The following PCDHA3 variants were observed in gnomAD, a reference collection of about 807,000 sequenced individuals.
PCDHA3 encodes protocadherin alpha 3, also known as protocadherin alpha-3.
PCDHA3 carries 41 observed loss-of-function variants against 62.2 expected under a neutral mutation model. That is an observed-to-expected ratio of 0.66 (90% CI 0.51 to 0.86). PCDHA3 has a LOEUF of 0.86. Among genes scored for constraint, PCDHA3 ranks in the 40% least tolerant of loss-of-function variants. The probability of loss-of-function intolerance (pLI) is 0.00; values close to 1 mark genes in which losing one functional copy is unlikely to be tolerated. For missense variants in PCDHA3, 1,304 were observed against 1,241.2 expected, an observed-to-expected ratio of 1.05 and a Z score of -0.76; for synonymous variants, 640 against 555.4, an observed-to-expected ratio of 1.15 and a Z score of -2.14.
chr5:140,967,576 A>T (rs2096159229), intron 1 of PCDHA3: 1 of 1,613,838 alleles, frequency 6.2e-7, no homozygotes, highest in African/African-American at 1.3e-5. Context: ...GGGAGGACTC[A>T]CCCCCAGGCA....
intron 3 of PCDHA3, among the ~76,000 whole-genome samples, chr5:141,007,748 T>C (rs188910603): frequency 1.3e-3 from 195 of 152,298 alleles, no homozygotes; most frequent in African/African-American, 4.4e-3. Context: ...GAAGATAACT[T>C]TGGACTCTTA....
Position 140,850,160 on chromosome 5 carries a change from G to A in PCDHA3, c.2394+46569G>A, listed in dbSNP as rs2150470275. On this transcript the variant is annotated intron_variant, in intron 1 of 3. Coordinates refer to ENST00000522353, the MANE Select transcript of PCDHA3 (RefSeq NM_018906.3). ...GCAACGTGACGCTGCAGGTGTTCGT[G>A]CTGGACGAGAACGACAATGCGCCGG... 5 of 1,595,068 alleles carry A rather than the reference G, an allele frequency of 3.1e-6. No homozygotes were observed. The Admixed American group carries it at 6.7e-5, about 22-fold the overall frequency.
intron 1 of PCDHA3, among the ~76,000 whole-genome samples, chr5:140,963,771 G>A (rs2095789886): frequency 6.6e-6 from 1 of 152,164 alleles, no homozygotes; most frequent in South Asian, 2.1e-4. Context: ...ATTTCATGAC[G>A]ACAGCAACAA....
chr5:140,873,557 T>C (rs1347474996), intron 1 of PCDHA3, among the ~76,000 whole-genome samples: 1 of 150,760 alleles, frequency 6.6e-6, no homozygotes, highest in Non-Finnish European at 1.5e-5. Context: ...TTTCAATTTA[T>C]TTTCTAGTTT....
chr5:140,915,281 C>T (rs1554196839), intron 1 of PCDHA3, among the ~76,000 whole-genome samples: 2 of 152,090 alleles, frequency 1.3e-5, no homozygotes, highest in Non-Finnish European at 2.9e-5. Flanking sequence ...TCATCATTTA[C>T]TCTTTCTACT....
At chr5:141,001,276 T>C (rs2098003991) in intron 3 of PCDHA3, among the ~76,000 whole-genome samples, 1 of 152,210 alleles carries the variant, frequency 6.6e-6, no homozygotes. Context: ...GAACTTTTTT[T>C]ACGGATGAAA....
intron 1 of PCDHA3, chr5:140,857,093 G>T (rs1554149523): frequency 6.3e-7 from 1 of 1,597,336 alleles, no homozygotes; most frequent in Admixed American, 1.7e-5. Flanking sequence ...TTCACCTGAG[G>T]TGATTGTCAC....
chr5:140,931,693 A>G (rs1001252056), intron 1 of PCDHA3, among the ~76,000 whole-genome samples: 1 of 152,004 alleles, frequency 6.6e-6, no homozygotes, highest in African/African-American at 2.4e-5. Context: ...ATTGTGATTC[A>G]TAAAACCATG....
At position 140,882,396 on chromosome 5, in the gene PCDHA3, C is replaced by G; in HGVS notation, c.2394+78805C>G. The G allele has an allele frequency of 1.9e-6, 3 of 1,614,196 alleles. No homozygotes were observed. In the South Asian group the frequency reaches 3.3e-5, roughly 18 times the overall value. On this transcript the variant is annotated intron_variant, in intron 1 of 3. Transcript: ENST00000522353. ...GTCCCCGAGGAAGCAAAACACGGCA[C>G]CTTCGTGGGCCGCATCGCTCAGGAC...
rs200441286 is a variant in PCDHA3, at chr5:140,856,169, G to A, written c.2394+52578G>A. 1.9e-6 allele frequency: 3 copies of A among 1,598,230 alleles called. 1 individual carries two copies. The highest frequency in any genetic ancestry group is 2.6e-6 in the Non-Finnish European group (3 of 1,167,916). On this transcript the variant is annotated intron_variant, in intron 1 of 3. Transcript: ENST00000522353. ...CTCAGTCTACGAGGAGGCCAGACACGGCACCTTCGTGGGCCGCATCGCGCA... is the reference window on the plus strand; with the variant it reads ...CTCAGTCTACGAGGAGGCCAGACACAGCACCTTCGTGGGCCGCATCGCGCA...
chr5:140,869,274 G>A, intron 1 of PCDHA3: 1 of 1,613,594 alleles, frequency 6.2e-7, no homozygotes. Context: ...TGGAGCTGGC[G>A]GAGCTGGTGC....
intron 1 of PCDHA3, among the ~76,000 whole-genome samples, chr5:140,901,673 A>G (rs964267221): frequency 6.6e-6 from 1 of 152,056 alleles, no homozygotes; most frequent in Admixed American, 6.6e-5. Context: ...AGATACCTTT[A>G]GGTATTATGG....
At chr5:140,893,150 A>T (rs1398784015) in intron 1 of PCDHA3, among the ~76,000 whole-genome samples, 2 of 152,066 alleles carry the variant, frequency 1.3e-5, no homozygotes, top group African/African-American at 4.8e-5. Flanking sequence ...TCATCTGTTG[A>T]TGGATATTGA....
intron 1 of PCDHA3, chr5:140,864,391 A>G (rs1554158881): frequency 6.6e-6 from 1 of 152,234 alleles, no homozygotes; most frequent in African/African-American, 2.4e-5. Context: ...TCTCTCACAA[A>G]TGGTGATGAG....
At chr5:140,836,938 A>G in intron 1 of PCDHA3, 1 of 463,722 alleles carries the variant, frequency 2.2e-6, no homozygotes, top group Non-Finnish European at 3.7e-6. Flanking sequence ...AATACTATAG[A>G]TCAAAATCTA....
intron 1 of PCDHA3, among the ~76,000 whole-genome samples, chr5:140,872,956 T>C (rs2054003251): frequency 6.6e-6 from 1 of 152,228 alleles, no homozygotes; most frequent in Admixed American, 6.5e-5. Context: ...CCACGTAGTA[T>C]CATCCCATCT....
At chr5:140,929,503 G>A in intron 1 of PCDHA3, 1 of 886,378 alleles carries the variant, frequency 1.1e-6, no homozygotes, top group Non-Finnish European at 1.6e-6. Context: ...ATTGCCCTAG[G>A]CCTCAAGGGA....
At chr5:141,008,126 G>A (rs2098361949) in intron 3 of PCDHA3, among the ~76,000 whole-genome samples, 1 of 152,178 alleles carries the variant, frequency 6.6e-6, no homozygotes, top group African/African-American at 2.4e-5. Context: ...TCAAGAAGGG[G>A]ATGACAAATG....
Position 140,870,321 on chromosome 5 carries a change from G to C in PCDHA3, c.2394+66730G>C, listed in dbSNP as rs1554164064. The C allele has an allele frequency of 1.9e-6, 3 of 1,614,222 alleles. No individual in the cohort carries two copies. In the Admixed American group the frequency reaches 5.0e-5, roughly 27 times the overall value. On this transcript the variant is annotated intron_variant, in intron 1 of 3. Transcript: ENST00000522353. Reference sequence around the variant, plus strand: ...CCACCTTCAAGAATTACTACTCGTTGGTGCTGGACAGCGCCCTGGACCGCG... The same window carrying C: ...CCACCTTCAAGAATTACTACTCGTTCGTGCTGGACAGCGCCCTGGACCGCG...
Sources: allele counts gnomAD v4.1 joint callset (sites outside exome capture counted in the v4.1 genomes callset), GRCh38; gene constraint gnomAD v4.1.1; transcripts MANE v1.5; gene names NCBI Gene and HGNC (gene_info 2026-07-23, HGNC 2026-07-21).